Variants in ABTB2 observed in about 807,000 individuals in gnomAD.
ABTB2 encodes ankyrin repeat and BTB/POZ domain-containing protein 2.
In ABTB2, 56 loss-of-function variants were observed where a neutral mutation model predicts 104.1. The observed-to-expected ratio is 0.54, with a 90% CI of 0.43 to 0.67. The LOEUF is 0.67. ABTB2 is among the 30% of genes least tolerant of loss of function. The pLI is 0.00. For synonymous variants in ABTB2, 606 were observed against 608.2 expected, an observed-to-expected ratio of 1.00 and a Z score of 0.05; for missense variants, 1,279 against 1,407.7, an observed-to-expected ratio of 0.91 and a Z score of 1.46.
intron 2 of ABTB2, among the ~76,000 whole-genome samples, chr11:34,203,722 G>C (rs536422372): frequency 1.3e-4 from 20 of 152,332 alleles, no homozygotes; most frequent in African/African-American, 4.8e-4. Flanking sequence ...GCCATGACCT[G>C]AAGAAACAGA....
intron 1 of ABTB2, among the ~76,000 whole-genome samples, chr11:34,207,396 C>A (rs539875373): frequency 1.6e-4 from 25 of 152,336 alleles, no homozygotes; most frequent in African/African-American, 6.0e-4. Context: ...ATCACCCACC[C>A]AAAGAGGCCT....
chr11:34,167,345 G>C lies in ABTB2; in HGVS notation c.1669C>G (p.Pro557Ala). Residue 557 changes from proline to alanine, a missense_variant, in exon 7 of 17, where the codon CCC becomes GCC. Coordinates refer to ENST00000435224, the MANE Select transcript of ABTB2 (RefSeq NM_145804.3). ...TCGGGGTGGATGGAAGGGTGCCTGGGGGAGTTGCTTGGAACCTGGAAAATA... is the reference window on the plus strand; with the variant it reads ...TCGGGGTGGATGGAAGGGTGCCTGGCGGAGTTGCTTGGAACCTGGAAAATA... ...NLDIQVPSNS[P>A]RHPSIHPDSR... The C allele has an allele frequency of 6.2e-7, 1 of 1,613,230 alleles. No homozygotes were observed. Among genetic ancestry groups the C allele is most frequent in the Non-Finnish European group, 8.5e-7 (1 of 1,179,614 alleles).
intron 1 of ABTB2, among the ~76,000 whole-genome samples, chr11:34,334,055 C>T (rs116795648): frequency 3.5e-4 from 53 of 149,890 alleles, no homozygotes; most frequent in African/African-American, 1.2e-3. Flanking sequence ...AGTCATGATG[C>T]TGAGTGGTGA....
At chr11:34,162,521 C>G in intron 10 of ABTB2, 55 bp downstream of exon 10, 1 of 1,559,616 alleles carries the variant, frequency 6.4e-7, no homozygotes, top group African/African-American at 1.3e-5. Flanking sequence ...AGGGAGTGAC[C>G]GTGTGTGTCC....
intron 1 of ABTB2, among the ~76,000 whole-genome samples, chr11:34,224,161 T>C (rs1001851017): frequency 3.3e-5 from 5 of 152,176 alleles, no homozygotes; most frequent in African/African-American, 4.8e-5. Flanking sequence ...TACAAGTGTA[T>C]GCCACCACAC....
At chr11:34,182,401 C>T (rs1853039283) in intron 3 of ABTB2, among the ~76,000 whole-genome samples, 1 of 151,478 alleles carries the variant, frequency 6.6e-6, no homozygotes, top group Admixed American at 6.6e-5. Context: ...TCATCTCCTC[C>T]AGCAGCCAGG....
Position 34,224,761 on chromosome 11 carries a change from T to C in ABTB2, c.884-20071A>G, listed in dbSNP as rs150082093. Among the ~76,000 whole-genome samples, 1,321 of 152,300 alleles carry C rather than the reference T, an allele frequency of 8.7e-3. 17 individuals carry two copies. The highest frequency in any genetic ancestry group is 0.03 in the African/African-American group (1,244 of 41,554). On this transcript the variant is annotated intron_variant, in intron 1 of 16. Transcript: ENST00000435224. ...CATAGTCCCTGGCAAAGACTGGGCA[T>C]ACAAAAGACAGAAGGCACCATTGTC... is the stretch of plus-strand genomic sequence containing the variant.
At chr11:34,162,902 T>C in intron 9 of ABTB2, 97 bp from the exon 10 acceptor site, 2 of 1,226,438 alleles carry the variant, frequency 1.6e-6, no homozygotes, top group East Asian at 5.1e-5. Context: ...GACGGGCTGC[T>C]CTGGGGTACC....
chr11:34,263,143 G>A (rs1264984391), intron 1 of ABTB2, among the ~76,000 whole-genome samples: 1 of 152,074 alleles, frequency 6.6e-6, no homozygotes, highest in Non-Finnish European at 1.5e-5. Context: ...ATACACTGAG[G>A]TTAAGGGTCC....
chr11:34,307,493 C>G (rs1195862768), intron 1 of ABTB2, among the ~76,000 whole-genome samples: 1 of 152,186 alleles, frequency 6.6e-6, no homozygotes, highest in East Asian at 1.9e-4. Context: ...CAGAATGCAG[C>G]CAATGAGCAG....
intron 5 of ABTB2, 62 bp from the exon 6 acceptor site, chr11:34,168,054 C>T (rs1029170964): frequency 6.6e-7 from 1 of 1,518,540 alleles, no homozygotes; most frequent in Non-Finnish European, 9.0e-7. Context: ...CATGTGCCCA[C>T]AGGCCTCTGC....
intron 1 of ABTB2, among the ~76,000 whole-genome samples, chr11:34,231,957 C>T (rs1565147315): frequency 6.6e-6 from 1 of 152,130 alleles, no homozygotes; most frequent in East Asian, 1.9e-4. Context: ...CAAAGAAAGT[C>T]TTGTCACAGC....
At chr11:34,300,418 C>G (rs1854688936) in intron 1 of ABTB2, among the ~76,000 whole-genome samples, 1 of 152,204 alleles carries the variant, frequency 6.6e-6, no homozygotes, top group Admixed American at 6.5e-5. Flanking sequence ...AAAAGACAAT[C>G]TATAGAGCCA....
intron 9 of ABTB2, among the ~76,000 whole-genome samples, chr11:34,163,797 A>G (rs1201402607): frequency 6.6e-6 from 1 of 152,240 alleles, no homozygotes; most frequent in Non-Finnish European, 1.5e-5. Flanking sequence ...TGAACTAGCC[A>G]CGGTGACTGT....
intron 1 of ABTB2, among the ~76,000 whole-genome samples, chr11:34,251,674 G>T (rs1392936119): frequency 6.6e-6 from 1 of 152,080 alleles, no homozygotes; most frequent in East Asian, 1.9e-4. Context: ...GCTGGGACCA[G>T]GTGCAATGCA....
intron 1 of ABTB2, among the ~76,000 whole-genome samples, chr11:34,274,249 T>C (rs1375223177): frequency 6.8e-6 from 1 of 147,160 alleles, no homozygotes; most frequent in African/African-American, 2.5e-5. Context: ...GGAAGTGCAC[T>C]CGAGTCTTAG....
intron 1 of ABTB2, among the ~76,000 whole-genome samples, chr11:34,249,053 A>T (rs546826383): frequency 1.3e-5 from 2 of 152,352 alleles, no homozygotes; most frequent in Non-Finnish European, 2.9e-5. Flanking sequence ...CGCTTGAACC[A>T]GGGAGGCAGA....
At chr11:34,354,750 G>A (rs750140486) in intron 1 of ABTB2, among the ~76,000 whole-genome samples, 1 of 152,206 alleles carries the variant, frequency 6.6e-6, no homozygotes, top group Admixed American at 6.5e-5. Flanking sequence ...ATGAATATAT[G>A]TTTTTGTTTT....
In ABTB2 at chr11:34,173,754, G is replaced by A. The variant is rs188113763; in HGVS notation, c.1245-447C>T. On this transcript the variant is annotated intron_variant, in intron 3 of 16. Coordinates refer to ENST00000435224, the MANE Select transcript of ABTB2 (RefSeq NM_145804.3). ...GTGTTCTTCTATGCAGAGGGGAGAG[G>A]CTGCACAGCTAAGAGTCTCACAGAC... Among the ~76,000 whole-genome samples the A allele has an allele frequency of 1.4e-3, 217 of 152,192 alleles. 2 individuals carry two copies. Among genetic ancestry groups the A allele is most frequent in the Middle Eastern group, 6.8e-3 (2 of 294 alleles).
Sources: gnomAD v4.1 joint callset for allele counts (sites outside exome capture counted in the v4.1 genomes callset) on GRCh38, gnomAD v4.1.1 for gene constraint, MANE v1.5 for transcripts, NCBI Gene and HGNC (gene_info 2026-07-23, HGNC 2026-07-21) for gene names.